TBC1D5: variants seen among roughly 807,000 people sequenced by gnomAD.
TBC1D5 encodes the protein TBC1 domain family member 5, also known as TBC1 domain family, member 5.
Under a neutral mutation model 100.3 loss-of-function variants are expected in TBC1D5, and 75 were observed. The ratio of observed to expected loss-of-function variants is 0.75; its 90% CI spans 0.62 to 0.91. The LOEUF (loss-of-function observed/expected upper bound fraction) is 0.91, where lower values mean the gene tolerates loss of function less well. Ranked by LOEUF, TBC1D5 falls within the 40% of genes least tolerant of loss-of-function variation. TBC1D5 has a pLI of 0.00. For synonymous variants in TBC1D5, 323 were observed against 325.6 expected (o/e 0.99, Z 0.09); for missense variants, 910 against 942.4 (o/e 0.97, Z 0.45).
At chr3:17,566,822 T>C (rs930968616) in intron 2 of TBC1D5, among the ~76,000 whole-genome samples, 1 of 151,872 alleles carries the variant, frequency 6.6e-6, no homozygotes, top group Non-Finnish European at 1.5e-5. Context: ...TTCTATTTAG[T>C]TGACATTTAC....
At chr3:17,265,974 G>C (rs1026006697) in intron 15 of TBC1D5, among the ~76,000 whole-genome samples, 2 of 151,750 alleles carry the variant, frequency 1.3e-5, no homozygotes, top group Non-Finnish European at 2.9e-5. Flanking sequence ...TAAGGATTAA[G>C]TATTGTTGCC....
chr3:17,582,275 T>C (rs2096703486), intron 2 of TBC1D5, among the ~76,000 whole-genome samples: 2 of 152,166 alleles, frequency 1.3e-5, no homozygotes, highest in African/African-American at 4.8e-5. Context: ...GGAGGAATAA[T>C]GGATAGTAGA....
chr3:17,255,809 T>C (rs2077593220), intron 16 of TBC1D5, among the ~76,000 whole-genome samples: 2 of 151,914 alleles, frequency 1.3e-5, no homozygotes, highest in Non-Finnish European at 2.9e-5. Context: ...GAGGCTGAGG[T>C]GGGCAGATCA....
chr3:17,175,996 G>A (rs2067681787), intron 19 of TBC1D5, among the ~76,000 whole-genome samples: 1 of 152,230 alleles, frequency 6.6e-6, no homozygotes, highest in African/African-American at 2.4e-5. Flanking sequence ...AGGTAGATGG[G>A]TTTTGTGGCT....
chr3:17,273,947 A>G (rs2079696401), intron 15 of TBC1D5, among the ~76,000 whole-genome samples: 1 of 151,858 alleles, frequency 6.6e-6, no homozygotes. Context: ...CTCTTTCTTA[A>G]AAGTTCCTTG....
intron 13 of TBC1D5, among the ~76,000 whole-genome samples, chr3:17,323,038 T>C (rs187854600): frequency 6.6e-6 from 1 of 152,290 alleles, no homozygotes; most frequent in Non-Finnish European, 1.5e-5. Context: ...AATCTCAAAG[T>C]AGTTTAACAG....
At chr3:17,419,409 T>C (rs1345455485) in intron 4 of TBC1D5, among the ~76,000 whole-genome samples, 2 of 152,218 alleles carry the variant, frequency 1.3e-5, no homozygotes, top group Non-Finnish European at 2.9e-5. Flanking sequence ...AAGGCCTGCA[T>C]ATCCCAGATG....
chr3:17,220,237 T>C (rs1054587446), intron 17 of TBC1D5, among the ~76,000 whole-genome samples: 1 of 152,154 alleles, frequency 6.6e-6, no homozygotes, highest in Non-Finnish European at 1.5e-5. Context: ...TAATTCCAAA[T>C]TGCCTTAAGA....
intron 19 of TBC1D5, among the ~76,000 whole-genome samples, chr3:17,174,196 T>TATC (rs1280585838): frequency 1.3e-5 from 2 of 152,192 alleles, no homozygotes; most frequent in Non-Finnish European, 2.9e-5. Flanking sequence ...CCTCTTGCTT[T>TATC]ATCTCTCACT....
chr3:17,225,618 AT>A (rs1229940571), intron 17 of TBC1D5, among the ~76,000 whole-genome samples: 1 of 152,072 alleles, frequency 6.6e-6, no homozygotes, highest in African/African-American at 2.4e-5. Flanking sequence ...CCTGGGCAAC[AT>A]AGTGAGAACC....
intron 13 of TBC1D5, among the ~76,000 whole-genome samples, chr3:17,329,187 C>T (rs2086574941): frequency 6.6e-6 from 1 of 152,158 alleles, no homozygotes; most frequent in Non-Finnish European, 1.5e-5. Flanking sequence ...CACTTAGGTC[C>T]TTTGTAATAT....
At chr3:17,260,099 G>A (rs2078135849) in intron 15 of TBC1D5, among the ~76,000 whole-genome samples, 1 of 152,084 alleles carries the variant, frequency 6.6e-6, no homozygotes, top group Admixed American at 6.6e-5. Flanking sequence ...CAAGTATAAT[G>A]GGAAAATAAA....
At chr3:17,402,146 A>G (rs1162354748) in intron 8 of TBC1D5, among the ~76,000 whole-genome samples, 6 of 152,160 alleles carry the variant, frequency 3.9e-5, no homozygotes, top group Non-Finnish European at 8.8e-5. Context: ...AATTATTTTC[A>G]TTTTAAAGAA....
At chr3:17,645,370 AG>A (rs1179769522) in intron 1 of TBC1D5, among the ~76,000 whole-genome samples, 1 of 152,152 alleles carries the variant, frequency 6.6e-6, no homozygotes, top group Non-Finnish European at 1.5e-5. Flanking sequence ...AATTTGTTAA[AG>A]GAAGTCTACT....
Position 17,512,651 on chromosome 3 carries a change from T to C in TBC1D5, c.-35-4046A>G, listed in dbSNP as rs557990245. 1.2e-4 allele frequency among the ~76,000 whole-genome samples: 18 copies of C among 152,336 alleles called. No homozygotes were observed. The East Asian group carries it at 1.9e-3, about 16-fold the overall frequency. On this transcript the variant is annotated intron_variant, in intron 2 of 21. Transcript: ENST00000253692. ...TCTCATTTTTCTGACTGAGAAAGCATAGTAATACACCTTCCACGATCTGGG... is the reference window on the plus strand; with the variant it reads ...TCTCATTTTTCTGACTGAGAAAGCACAGTAATACACCTTCCACGATCTGGG...
intron 13 of TBC1D5, among the ~76,000 whole-genome samples, chr3:17,365,386 G>T (rs1303358463): frequency 6.6e-6 from 1 of 152,062 alleles, no homozygotes; most frequent in Non-Finnish European, 1.5e-5. Context: ...GTCAGTAAAG[G>T]TTGTTTCTCC....
chr3:17,492,041 G>C (rs2095645811), intron 3 of TBC1D5, among the ~76,000 whole-genome samples: 1 of 152,092 alleles, frequency 6.6e-6, no homozygotes, highest in Admixed American at 6.5e-5. Flanking sequence ...TATGTGTACA[G>C]GAATTTATCC....
chr3:17,203,336 G>A (rs2071721439), intron 18 of TBC1D5, among the ~76,000 whole-genome samples: 1 of 152,202 alleles, frequency 6.6e-6, no homozygotes. Flanking sequence ...CTGTATCTTG[G>A]AAGTAACTAG....
intron 12 of TBC1D5, among the ~76,000 whole-genome samples, chr3:17,373,827 A>G (rs2092584095): frequency 6.6e-6 from 1 of 152,118 alleles, no homozygotes; most frequent in South Asian, 2.1e-4. Flanking sequence ...AAAGTATATT[A>G]GTGATGCCAG....
Sources: allele counts gnomAD v4.1 joint callset (sites outside exome capture counted in the v4.1 genomes callset), GRCh38; gene constraint gnomAD v4.1.1; transcripts MANE v1.5; gene names NCBI Gene and HGNC (gene_info 2026-07-23, HGNC 2026-07-21).